Variants in ELF2 observed in about 807,000 individuals in gnomAD.
ELF2 encodes ETS-related transcription factor Elf-2.
A neutral mutation model predicts 54.8 loss-of-function variants in ELF2; 11 were observed. The ratio of observed to expected loss-of-function variants is 0.20; its 90% CI spans 0.13 to 0.33. The LOEUF is 0.33. ELF2 is among the 10% of genes least tolerant of loss of function. The probability of loss-of-function intolerance (pLI) is 1.00; values close to 1 mark genes in which losing one functional copy is unlikely to be tolerated. For missense variants in ELF2, 513 were observed against 703.0 expected, an observed-to-expected ratio of 0.73 and a Z score of 3.06; for synonymous variants, 203 against 245.1, an observed-to-expected ratio of 0.83 and a Z score of 1.61.
At chr4:139,091,979 T>G (rs937319972) in intron 4 of ELF2, among the ~76,000 whole-genome samples, 3 of 148,556 alleles carry the variant, frequency 2.0e-5, no homozygotes, top group African/African-American at 7.4e-5. Context: ...ACACTACATA[T>G]ATACATATAT....
intron 1 of ELF2, among the ~76,000 whole-genome samples, chr4:139,160,170 T>C (rs536075547): frequency 6.6e-6 from 1 of 152,242 alleles, no homozygotes; most frequent in South Asian, 2.1e-4. Context: ...ACCCTGTCTC[T>C]ACTAAAAGTA....
At chr4:139,113,617 A>G (rs189949656) in intron 4 of ELF2, among the ~76,000 whole-genome samples, 1 of 152,208 alleles carries the variant, frequency 6.6e-6, no homozygotes, top group East Asian at 1.9e-4. Context: ...TGGGAGACCA[A>G]GGAGGACAGA....
At chr4:139,097,365 T>C (rs1272225226) in intron 4 of ELF2, among the ~76,000 whole-genome samples, 1 of 152,042 alleles carries the variant, frequency 6.6e-6, no homozygotes, top group Non-Finnish European at 1.5e-5. Flanking sequence ...CCAGACGCGG[T>C]GGCACTTTGG....
chr4:139,131,993 C>A (rs1162831514), intron 3 of ELF2, among the ~76,000 whole-genome samples: 3 of 151,986 alleles, frequency 2.0e-5, no homozygotes, highest in Non-Finnish European at 4.4e-5. Context: ...TGTCTGATTC[C>A]ATTTATATAT....
chr4:139,084,404 C>T (rs1290844917), intron 4 of ELF2: 2 of 1,404,152 alleles, frequency 1.4e-6, no homozygotes, highest in African/African-American at 1.5e-5. Flanking sequence ...GAAACCCCAC[C>T]ACCTAACGGC....
chr4:139,101,684 C>T (rs1171524077), intron 4 of ELF2: 2 of 152,194 alleles, frequency 1.3e-5, no homozygotes, highest in Non-Finnish European at 2.9e-5. Context: ...AAACTGAATG[C>T]ACTGGCTTCT....
chr4:139,146,470 A>C (rs1345604391), intron 1 of ELF2, among the ~76,000 whole-genome samples: 1 of 152,250 alleles, frequency 6.6e-6, no homozygotes, highest in Non-Finnish European at 1.5e-5. Context: ...CTACAGATTC[A>C]ATACAAATCT....
At chr4:139,083,254 C>T (rs1731421692) in intron 4 of ELF2, among the ~76,000 whole-genome samples, 1 of 152,182 alleles carries the variant, frequency 6.6e-6, no homozygotes, top group South Asian at 2.1e-4. Context: ...TCCCTCCCGC[C>T]TCGCTCCTTA....
intron 1 of ELF2, among the ~76,000 whole-genome samples, chr4:139,146,007 T>C (rs556994854): frequency 6.6e-6 from 1 of 152,312 alleles, no homozygotes; most frequent in Non-Finnish European, 1.5e-5. Flanking sequence ...TTCAACATAG[T>C]ACTTTAAGTC....
At chr4:139,154,469 AT>A (rs1740329238) in intron 1 of ELF2, among the ~76,000 whole-genome samples, 1 of 152,096 alleles carries the variant, frequency 6.6e-6, no homozygotes, top group Non-Finnish European at 1.5e-5. Context: ...GGGAAAATAA[AT>A]CTCAGGACCT....
intron 4 of ELF2, among the ~76,000 whole-genome samples, chr4:139,083,207 A>G (rs2148730749): frequency 6.6e-6 from 1 of 152,060 alleles, no homozygotes; most frequent in South Asian, 2.1e-4. Flanking sequence ...GGAAGGGGGC[A>G]ATTCCGTGCT....
chr4:139,142,363 G>A (rs1008301294), intron 1 of ELF2, among the ~76,000 whole-genome samples: 1 of 152,120 alleles, frequency 6.6e-6, no homozygotes, highest in Non-Finnish European at 1.5e-5. Flanking sequence ...GGACCGGCAA[G>A]GGGACCCAAT....
intron 4 of ELF2, among the ~76,000 whole-genome samples, chr4:139,124,564 T>C (rs1191717727): frequency 1.3e-5 from 2 of 152,184 alleles, no homozygotes; most frequent in African/African-American, 4.8e-5. Flanking sequence ...AAATACTCTA[T>C]TTTCTTCATA....
chr4:139,074,922 C>A (rs1024127637), intron 4 of ELF2, among the ~76,000 whole-genome samples: 2 of 152,100 alleles, frequency 1.3e-5, no homozygotes, highest in African/African-American at 4.8e-5. Flanking sequence ...ATCCTGGAAC[C>A]AATACCCCAG....
chr4:139,112,629 A>G (rs890222361), intron 4 of ELF2, among the ~76,000 whole-genome samples: 5 of 152,168 alleles, frequency 3.3e-5, no homozygotes, highest in Admixed American at 2.6e-4. Flanking sequence ...ATTCTATATA[A>G]TCCACAGTTA....
chr4:139,117,343 T>C (rs1283996212), intron 4 of ELF2, among the ~76,000 whole-genome samples: 4 of 152,224 alleles, frequency 2.6e-5, no homozygotes, highest in African/African-American at 9.6e-5. Flanking sequence ...TTGGTAAGAT[T>C]AGGGGTGATG....
chr4:139,065,693 A>G (rs1330736466), intron 7 of ELF2, among the ~76,000 whole-genome samples: 1 of 152,202 alleles, frequency 6.6e-6, no homozygotes, highest in African/African-American at 2.4e-5. Context: ...TACAAGACTG[A>G]AATTGTAATG....
intron 4 of ELF2, among the ~76,000 whole-genome samples, chr4:139,095,176 T>G (rs1450298781): frequency 6.6e-6 from 1 of 150,750 alleles, no homozygotes. Flanking sequence ...AGCATGATAT[T>G]TGCTATAGAT....
At chr4:139,086,577 C>T (rs1414425163) in intron 4 of ELF2, among the ~76,000 whole-genome samples, 1 of 152,098 alleles carries the variant, frequency 6.6e-6, no homozygotes. Context: ...TAAACTAATT[C>T]ACTTATTCAA....
Sources: allele counts gnomAD v4.1 joint callset (sites outside exome capture counted in the v4.1 genomes callset), GRCh38; gene constraint gnomAD v4.1.1; transcripts MANE v1.5; gene names NCBI Gene and HGNC (gene_info 2026-07-23, HGNC 2026-07-21).